Variants in CHD7 observed in about 807,000 individuals in gnomAD.
CHD7 encodes the protein chromodomain helicase DNA binding protein 7.
A neutral mutation model predicts 307.3 loss-of-function variants in CHD7; 24 were observed. The ratio of observed to expected loss-of-function variants is 0.08; its 90% CI spans 0.06 to 0.11. The LOEUF is 0.11. Among genes scored for constraint, CHD7 ranks in the 10% least tolerant of loss-of-function variants. The pLI is 1.00. For missense variants in CHD7, 3,106 were observed against 3,727.1 expected (o/e 0.83, Z 4.34); for synonymous variants, 1,363 against 1,349.9 (o/e 1.01, Z -0.21).
In CHD7 at chr8:60,856,713, T is replaced by C. The variant is rs375203135; in HGVS notation, c.7433T>C (p.Phe2478Ser). Residue 2478 changes from phenylalanine to serine, a missense_variant, in exon 34 of 38, where the codon TTT (phenylalanine) becomes TCT (serine). By Grantham distance (155) the Phe-to-Ser change is radical (BLOSUM62 -2). This residue lies in a region of CHD7 where 1,030 missense variants were observed against 1,165.4 expected (regional missense o/e 0.88). Coordinates refer to ENST00000423902, the MANE Select transcript of CHD7 (RefSeq NM_017780.4). ...PNVSTPVSDAFKTQMELLQAG... is the reference protein window; with the variant it reads ...PNVSTPVSDASKTQMELLQAG... ...GTCTCAACACCAGTGTCTGATGCCTTTAAGACTCAAATGGAACTGCTCCAA... is the reference window on the plus strand; with the variant it reads ...GTCTCAACACCAGTGTCTGATGCCTCTAAGACTCAAATGGAACTGCTCCAA... The C allele has an allele frequency of 6.8e-6, 11 of 1,613,918 alleles. No individual in the cohort carries two copies. Among genetic ancestry groups the C allele is most frequent in the South Asian group, 1.1e-5 (1 of 91,094 alleles).
intron 1 of CHD7, among the ~76,000 whole-genome samples, chr8:60,710,398 A>G (rs1169470652): frequency 1.3e-5 from 2 of 151,296 alleles, no homozygotes; most frequent in Admixed American, 6.6e-5. Context: ...CACTCAAGAC[A>G]CCCCATTTAG....
chr8:60,795,212 A>T lies in CHD7; in HGVS notation c.2238+85A>T, dbSNP rs955377928. 19 of 1,260,680 alleles carry T rather than the reference A, an allele frequency of 1.5e-5. No homozygotes were observed. In the African/African-American group the frequency reaches 2.3e-4, roughly 15 times the overall value. 78.1% of individuals were successfully genotyped at this position (1,260,680 alleles called of 1,614,324 possible). A position where few individuals can be genotyped will look rare whatever the true frequency, so the allele number is the denominator to read the frequency against. ...GTATGAAGTACACAAGACCTCCCCTATCTTGTTATAGAGATGCTCTTGAGA... is the reference window on the plus strand; with the variant it reads ...GTATGAAGTACACAAGACCTCCCCTTTCTTGTTATAGAGATGCTCTTGAGA... On this transcript the variant is annotated intron_variant, in intron 4 of 37. Coordinates refer to ENST00000423902, the MANE Select transcript of CHD7 (RefSeq NM_017780.4).
intron 2 of CHD7, among the ~76,000 whole-genome samples, chr8:60,757,046 C>CT (rs1270780101): frequency 1.3e-5 from 2 of 152,192 alleles, no homozygotes; most frequent in Non-Finnish European, 2.9e-5. Flanking sequence ...TATTGAGTCT[C>CT]TAACATTTGT....
chr8:60,857,388 A>G (rs530575503), intron 34 of CHD7, among the ~76,000 whole-genome samples: 119 of 152,350 alleles, frequency 7.8e-4, no homozygotes, highest in African/African-American at 2.8e-3. Flanking sequence ...TGTGTGAACC[A>G]ATGGATTTTG....
At chr8:60,840,380 A>G (rs550992345) in intron 19 of CHD7, among the ~76,000 whole-genome samples, 57 of 152,130 alleles carry the variant, frequency 3.7e-4, no homozygotes, top group African/African-American at 1.3e-3. Flanking sequence ...TCCTGCCCCT[A>G]TCTCTGTTTG....
chr8:60,765,544 T>G (rs748300527), intron 2 of CHD7, among the ~76,000 whole-genome samples: 9 of 152,126 alleles, frequency 5.9e-5, no homozygotes, highest in Non-Finnish European at 1.2e-4. Context: ...TGAGTAGGAA[T>G]TAACTTGGAG....
intron 1 of CHD7, among the ~76,000 whole-genome samples, chr8:60,685,085 C>T (rs1805814260): frequency 6.6e-6 from 1 of 152,098 alleles, no homozygotes; most frequent in African/African-American, 2.4e-5. Context: ...TTCACAGAGG[C>T]AAGAATCAGA....
In CHD7 at chr8:60,841,629, C is replaced by CT. The variant is rs1441693299; in HGVS notation, c.4534-9dup. On this transcript the variant is annotated splice_polypyrimidine_tract_variant and intron_variant, in intron 19 of 37. Transcript: ENST00000423902. ...AAAGGCCTCTCAAAGTAATGCGTTT[C>CT]TTTTTTCTCTTTAGGCCAGTTTTGT... The CT allele has an allele frequency of 3.1e-6, 5 of 1,595,058 alleles. No individual in the cohort carries two copies. The South Asian group carries it at 5.5e-5, about 18-fold the overall frequency.
chr8:60,803,088 A>G (rs1207631935), intron 6 of CHD7, among the ~76,000 whole-genome samples: 1 of 152,204 alleles, frequency 6.6e-6, no homozygotes, highest in Non-Finnish European at 1.5e-5. Context: ...TATTTAACTC[A>G]TTAGAAGGTT....
At chr8:60,823,602 C>G (rs1273168129) in intron 12 of CHD7, among the ~76,000 whole-genome samples, 1 of 152,152 alleles carries the variant, frequency 6.6e-6, no homozygotes, top group Non-Finnish European at 1.5e-5. Flanking sequence ...GTAATTGATG[C>G]ATGTGCTCTG....
intron 8 of CHD7, among the ~76,000 whole-genome samples, chr8:60,817,457 G>T (rs1026748237): frequency 1.3e-5 from 2 of 152,122 alleles, no homozygotes; most frequent in Non-Finnish European, 2.9e-5. Flanking sequence ...GTTCTTCTGG[G>T]ATCTGATTTC....
rs768143056 is a variant in CHD7, at chr8:60,849,034, T to A, written c.5301-17T>A. On this transcript the variant is annotated splice_polypyrimidine_tract_variant and intron_variant, in intron 24 of 37. Coordinates refer to ENST00000423902, the MANE Select transcript of CHD7 (RefSeq NM_017780.4). ...TCTTTTTTAATACTAATATTTCTTA[T>A]AAATGTTGTCTTTCAGTGAAGCCGA... The A allele has an allele frequency of 2.6e-5, 42 of 1,587,920 alleles. No individual in the cohort carries two copies. Among genetic ancestry groups the A allele is most frequent in the African/African-American group, 1.3e-5 (1 of 74,296 alleles).
Position 60,841,774 on chromosome 8 carries a change from C to G in CHD7, c.4644+20C>G, listed in dbSNP as rs1168248095. ...GGGAGGGTGAGTAAGAAGTCCCATT[C>G]GAACACCTATCTGATCTAAACCAAG... is the stretch of plus-strand genomic sequence containing the variant. On this transcript the variant is annotated intron_variant, in intron 20 of 37. Transcript: ENST00000423902. 9.4e-6 allele frequency: 15 copies of G among 1,601,382 alleles called. No homozygotes were observed. The highest frequency in any genetic ancestry group is 1.3e-5 in the African/African-American group (1 of 74,646).
chr8:60,735,090 T>C (rs1048249595), intron 1 of CHD7, among the ~76,000 whole-genome samples: 1 of 152,180 alleles, frequency 6.6e-6, no homozygotes, highest in Non-Finnish European at 1.5e-5. Context: ...TGGGATGTAC[T>C]GGGGCGTTTA....
At chr8:60,829,033 G>C (rs1804381469) in intron 14 of CHD7, among the ~76,000 whole-genome samples, 1 of 152,148 alleles carries the variant, frequency 6.6e-6, no homozygotes, top group Non-Finnish European at 1.5e-5. Context: ...GATTTATAGA[G>C]AGGTTACATA....
intron 2 of CHD7, among the ~76,000 whole-genome samples, chr8:60,779,901 G>T (rs1240415137): frequency 2.0e-5 from 3 of 152,122 alleles, no homozygotes; most frequent in African/African-American, 7.2e-5. Flanking sequence ...ATCACCTAAC[G>T]CTTAGGGCTG....
intron 6 of CHD7, among the ~76,000 whole-genome samples, chr8:60,807,025 G>GA (rs1812568663): frequency 6.6e-6 from 1 of 151,970 alleles, no homozygotes; most frequent in African/African-American, 2.4e-5. Context: ...TCCTATCTCA[G>GA]AAAAGAAAGA....
chr8:60,838,379 G>A (rs1804831069), intron 19 of CHD7, 124 bp downstream of exon 19: 1 of 846,846 alleles, frequency 1.2e-6, no homozygotes, highest in African/African-American at 1.7e-5. Flanking sequence ...TTAACTCCCT[G>A]TGGAACCCCT....
chr8:60,747,096 A>G (rs1488026937), intron 2 of CHD7, among the ~76,000 whole-genome samples: 1 of 152,138 alleles, frequency 6.6e-6, no homozygotes, highest in African/African-American at 2.4e-5. Flanking sequence ...TTTATTTTTG[A>G]GACGGAGTCT....
Sources: gnomAD v4.1 joint callset for allele counts (sites outside exome capture counted in the v4.1 genomes callset) on GRCh38, gnomAD v4.1.1 for gene constraint, gnomAD v4.1.1 regional missense constraint, MANE v1.5 for transcripts, NCBI Gene and HGNC (gene_info 2026-07-23, HGNC 2026-07-21) for gene names.